Variants in BMP6 observed in about 807,000 individuals in gnomAD.
The protein encoded by BMP6 is bone morphogenetic protein 6, also known as VG-1-R.
In BMP6, 17 loss-of-function variants were observed where a neutral mutation model predicts 54.1. That is an observed-to-expected ratio of 0.31 (90% confidence interval 0.22 to 0.47). The LOEUF is 0.47. Ranked by LOEUF, BMP6 falls within the 20% of genes least tolerant of loss-of-function variation. BMP6 has a pLI of 1.00. For synonymous variants in BMP6, 328 were observed against 291.2 expected (o/e 1.13, Z -1.28); for missense variants, 720 against 690.4 (o/e 1.04, Z -0.48).
chr6:7,775,133 C>A (rs76047639), intron 1 of BMP6, among the ~76,000 whole-genome samples: 1 of 152,282 alleles, frequency 6.6e-6, no homozygotes, highest in Admixed American at 6.5e-5. Context: ...AACAGTGTTG[C>A]GTTGGGGATT....
chr6:7,755,450 C>T (rs144628228), intron 1 of BMP6, among the ~76,000 whole-genome samples: 2 of 152,318 alleles, frequency 1.3e-5, no homozygotes, highest in East Asian at 1.9e-4. Context: ...AATTTTACAA[C>T]AGTATACTTC....
chr6:7,726,450 G>A lies in BMP6; in HGVS notation c.-506G>A, dbSNP rs1163373492. On this transcript the variant is annotated 5_prime_UTR_variant, in exon 1 of 7. The change creates a new upstream start codon in the 5' untranslated region. Transcript: ENST00000283147. ...GCCCTGCAACGGGGTAAACTTCATG[G>A]TGGCCCTGCGATCTGGGGAGGGGCG... is the stretch of plus-strand genomic sequence containing the variant. 1.3e-5 allele frequency among the ~76,000 whole-genome samples: 2 copies of A among 152,166 alleles called. No individual in the cohort carries two copies. Among genetic ancestry groups the A allele is most frequent in the Non-Finnish European group, 2.9e-5 (2 of 68,024 alleles).
intron 1 of BMP6, among the ~76,000 whole-genome samples, chr6:7,774,922 T>G (rs1336087275): frequency 6.6e-6 from 1 of 152,150 alleles, no homozygotes; most frequent in Non-Finnish European, 1.5e-5. Context: ...ATGAGGGCCT[T>G]CTTGTTGTAT....
intron 1 of BMP6, among the ~76,000 whole-genome samples, chr6:7,746,662 T>A (rs960969612): frequency 6.6e-6 from 1 of 152,164 alleles, no homozygotes; most frequent in African/African-American, 2.4e-5. Flanking sequence ...TAAATAGACA[T>A]TTAAATAGAC....
intron 1 of BMP6, among the ~76,000 whole-genome samples, chr6:7,801,339 G>A (rs1428202810): frequency 6.6e-6 from 1 of 152,184 alleles, no homozygotes; most frequent in Non-Finnish European, 1.5e-5. Context: ...TCGCTGAGCG[G>A]TGACGCACTG....
chr6:7,846,574 A>C (rs1244776336), intron 2 of BMP6, among the ~76,000 whole-genome samples: 5 of 152,246 alleles, frequency 3.3e-5, no homozygotes, highest in Non-Finnish European at 7.3e-5. Flanking sequence ...ATGAACATAC[A>C]TGCTGATAGT....
intron 1 of BMP6, among the ~76,000 whole-genome samples, chr6:7,772,060 A>AC (rs386406073): frequency 6.6e-6 from 1 of 151,242 alleles, no homozygotes; most frequent in Non-Finnish European, 1.5e-5. Context: ...TCAAAAAAAA[A>AC]AACCAAAAAA....
chr6:7,856,473 C>T (rs988272128), intron 2 of BMP6, among the ~76,000 whole-genome samples: 6 of 151,854 alleles, frequency 4.0e-5, no homozygotes, highest in African/African-American at 1.5e-4. Context: ...ACATCAAGTC[C>T]AGACGTACAA....
intron 1 of BMP6, among the ~76,000 whole-genome samples, chr6:7,816,574 A>C (rs1172133612): frequency 6.6e-6 from 1 of 152,174 alleles, no homozygotes; most frequent in African/African-American, 2.4e-5. Context: ...AATTTGAGAG[A>C]ATCCCTTCTG....
intron 1 of BMP6, among the ~76,000 whole-genome samples, chr6:7,813,675 C>CAAA (rs1758478029): frequency 1.0e-5 from 1 of 97,648 alleles, no homozygotes; most frequent in African/African-American, 4.1e-5. Flanking sequence ...AAAAACCCAC[C>CAAA]AAACCCAGTA....
At chr6:7,825,720 C>CG (rs1758685945) in intron 1 of BMP6, among the ~76,000 whole-genome samples, 1 of 141,318 alleles carries the variant, frequency 7.1e-6, no homozygotes, top group Non-Finnish European at 1.5e-5. Context: ...AAGTCCATCT[C>CG]GAAAAAAAAA....
chr6:7,767,439 A>G (rs900931303), intron 1 of BMP6, among the ~76,000 whole-genome samples: 1 of 152,160 alleles, frequency 6.6e-6, no homozygotes, highest in African/African-American at 2.4e-5. Flanking sequence ...CTCACCCTGC[A>G]TGATCATCAG....
intron 1 of BMP6, among the ~76,000 whole-genome samples, chr6:7,736,585 A>G (rs1262126345): frequency 2.0e-5 from 3 of 152,222 alleles, no homozygotes; most frequent in African/African-American, 7.2e-5. Flanking sequence ...TGTAAGTGAT[A>G]TATCGAATAG....
At chr6:7,754,311 C>T (rs1757476798) in intron 1 of BMP6, among the ~76,000 whole-genome samples, 2 of 151,946 alleles carry the variant, frequency 1.3e-5, no homozygotes, top group Admixed American at 1.3e-4. Flanking sequence ...TCAGGTCTCT[C>T]CATGTTGCCT....
intron 1 of BMP6, among the ~76,000 whole-genome samples, chr6:7,793,621 G>A (rs2113187108): frequency 6.6e-6 from 1 of 152,220 alleles, no homozygotes; most frequent in South Asian, 2.1e-4. Context: ...TTGGTGGGAG[G>A]CAGACAGGGG....
chr6:7,727,314 C>T lies in BMP6; in HGVS notation c.359C>T (p.Pro120Leu), dbSNP rs1028191991. The T allele has an allele frequency of 2.3e-5, 37 of 1,607,168 alleles. No individual in the cohort carries two copies. Among genetic ancestry groups the T allele is most frequent in the Non-Finnish European group, 3.1e-5 (36 of 1,178,116 alleles). Residue 120 changes from proline (P) to leucine (L), a missense_variant, in exon 1 of 7, where the codon CCT becomes CTT. Physicochemically the swap from Pro to Leu is moderately conservative, Grantham distance 98. Transcript: ENST00000283147. ...QEEQQQQQQL[P>L]RGEPPPGRLK... The stretch of plus-strand genomic sequence containing the variant: ...GAGCAGCAGCAGCAGCAGCAGCTGC[C>T]TCGCGGAGAGCCCCCTCCCGGGCGA...
intron 1 of BMP6, among the ~76,000 whole-genome samples, chr6:7,774,834 G>C (rs1284309083): frequency 6.6e-6 from 1 of 152,198 alleles, no homozygotes; most frequent in South Asian, 2.1e-4. Context: ...CAATTATAAA[G>C]AAAAGAAAAT....
chr6:7,861,802 C>A (rs1581283405), intron 3 of BMP6, among the ~76,000 whole-genome samples: 1 of 152,174 alleles, frequency 6.6e-6, no homozygotes, highest in South Asian at 2.1e-4. Flanking sequence ...CAGGCTTGGG[C>A]AACTTGGAGA....
chr6:7,741,459 C>A (rs191764020), intron 1 of BMP6, among the ~76,000 whole-genome samples: 1 of 146,540 alleles, frequency 6.8e-6, no homozygotes, highest in African/African-American at 2.5e-5. Context: ...CCATGCCTGG[C>A]TAGTTGTTTT....
Sources: allele counts gnomAD v4.1 joint callset (sites outside exome capture counted in the v4.1 genomes callset), GRCh38; gene constraint gnomAD v4.1.1; transcripts MANE v1.5; gene names NCBI Gene and HGNC (gene_info 2026-07-23, HGNC 2026-07-21).